TNFSF15: variants seen among roughly 807,000 people sequenced by gnomAD.
TNFSF15 encodes the protein TNF superfamily member 15.
TNFSF15 carries 15 observed loss-of-function variants against 26.4 expected under a neutral mutation model. That is an observed-to-expected ratio of 0.57 (90% CI 0.38 to 0.87). TNFSF15 has a LOEUF of 0.87. Among genes scored for constraint, TNFSF15 ranks in the 40% least tolerant of loss-of-function variants. The pLI, the probability that TNFSF15 is intolerant of heterozygous loss-of-function variation, is 0.00. For missense variants in TNFSF15, 290 were observed against 306.1 expected, an observed-to-expected ratio of 0.95 and a Z score of 0.39; for synonymous variants, 116 against 115.0, an observed-to-expected ratio of 1.01 and a Z score of -0.06.
Position 114,790,400 on chromosome 9 carries a change from A to C in TNFSF15, c.*52T>G. On this transcript the variant is annotated 3_prime_UTR_variant, in exon 4 of 4. Transcript: ENST00000374045. ...GTTATAATTACATTTGAACAAAGAA[A>C]ATTAGGAACTCGGTGGCAGAGGACT... The C allele has an allele frequency of 6.7e-7, 1 of 1,500,056 alleles. No homozygotes were observed. Among genetic ancestry groups the C allele is most frequent in the Non-Finnish European group, 9.0e-7 (1 of 1,116,874 alleles). 92.9% of individuals were successfully genotyped at this position (1,500,056 alleles called of 1,614,324 possible).
rs554137268 is a variant in TNFSF15, at chr9:114,805,835, G to A, written c.178C>T (p.Arg60Trp). ...LTTYLLVSQLRAQGEACVQFQ... is the reference protein window; with the variant it reads ...LTTYLLVSQLWAQGEACVQFQ... The stretch of plus-strand genomic sequence containing the variant: ...TGCACACAGGCCTCTCCCTGGGCCC[G>A]GAGCTGGCTGACAAGCAGGTATGTG... The change falls in exon 1 of 4, where the codon CGG (arginine) becomes TGG (tryptophan). Residue 60 changes from arginine (R) to tryptophan (W), a missense_variant. By Grantham distance (101) the Arg-to-Trp change is moderately radical. Transcript: ENST00000374045. 2.1e-5 allele frequency: 34 copies of A among 1,613,678 alleles called. No homozygotes were observed. The South Asian group carries it at 2.3e-4, about 11-fold the overall frequency.
At chr9:114,792,370 C>T in intron 3 of TNFSF15, 37 bp downstream of exon 3, 3 of 1,603,932 alleles carry the variant, frequency 1.9e-6, no homozygotes, top group Non-Finnish European at 2.6e-6. Context: ...AGGATTCTGG[C>T]CCATGGTCTC....
At position 114,788,351 on chromosome 9, in the gene TNFSF15, T is replaced by C. The variant is rs563581482; in HGVS notation, c.*2101A>G. ...AGCCAGGTGGAGGTGACCACACTCC[T>C]CTGTGCTCCCACTGAGTCTGTGCTG... On this transcript the variant is annotated 3_prime_UTR_variant, in exon 4 of 4. Transcript: ENST00000374045. The C allele has an allele frequency of 3.8e-4, 59 of 153,892 alleles. No individual in the cohort carries two copies. Among genetic ancestry groups the C allele is most frequent in the African/African-American group, 1.3e-3 (56 of 41,584 alleles). The allele number at this position is 153,892 out of a possible 1,614,324, so 9.5% of individuals were successfully genotyped here. A position where few individuals can be genotyped will look rare whatever the true frequency, so the allele number is the denominator to read the frequency against.
chr9:114,792,764 G>T (rs540564096), intron 2 of TNFSF15, among the ~76,000 whole-genome samples: 1 of 152,282 alleles, frequency 6.6e-6, no homozygotes, highest in East Asian at 1.9e-4. Context: ...CAGTATAGAT[G>T]GAGGTGCTTA....
rs1829546285 is a variant in TNFSF15, at chr9:114,788,852, G to C, written c.*1600C>G. ...GAACAGAGCTGCCTCTCCTGCCCTT[G>C]ACATATTAGCGTAGGAAAATCATAC... On this transcript the variant is annotated 3_prime_UTR_variant, in exon 4 of 4. Transcript: ENST00000374045. The C allele has an allele frequency of 1.3e-5, 2 of 152,200 alleles. No individual in the cohort carries two copies. The highest frequency in any genetic ancestry group is 6.5e-5 in the Admixed American group (1 of 15,278). The allele number at this position is 152,200 out of a possible 1,614,324, so 9.4% of individuals were successfully genotyped here. A position where few individuals can be genotyped will look rare whatever the true frequency, so the allele number is the denominator to read the frequency against.
rs753032938 is a variant in TNFSF15, at chr9:114,790,445, T to C, written c.*7A>G. 5 of 1,570,258 alleles carry C rather than the reference T, an allele frequency of 3.2e-6. No homozygotes were observed. The highest frequency in any genetic ancestry group is 4.3e-6 in the Non-Finnish European group (5 of 1,157,874). ...AGGACTTTCATATAATGATATTTGC[T>C]CTCCTCCTATAGTAAGAAGGCTCCA... is the stretch of plus-strand genomic sequence containing the variant. On this transcript the variant is annotated 3_prime_UTR_variant, in exon 4 of 4. Transcript: ENST00000374045.
chr9:114,788,414 C>T lies in TNFSF15; in HGVS notation c.*2038G>A, dbSNP rs1189590158. On this transcript the variant is annotated 3_prime_UTR_variant, in exon 4 of 4. Coordinates refer to ENST00000374045, the MANE Select transcript of TNFSF15 (RefSeq NM_005118.4). ...AAGGGAAGGCAAGAAAAAGGCCTGG[C>T]TTAAGTTAGCCTAGCAGAGGTTAGA... is the stretch of plus-strand genomic sequence containing the variant. 6.5e-6 allele frequency: 1 copy of T among 153,698 alleles called. No individual in the cohort carries two copies. Among genetic ancestry groups the T allele is most frequent in the African/African-American group, 2.4e-5 (1 of 41,456 alleles). 9.5% of individuals were successfully genotyped at this position (153,698 alleles called of 1,614,324 possible).
intron 1 of TNFSF15, among the ~76,000 whole-genome samples, chr9:114,798,839 T>C (rs1449222955): frequency 1.3e-5 from 2 of 152,240 alleles, no homozygotes; most frequent in African/African-American, 4.8e-5. Context: ...ATGATCCACA[T>C]AGCCTTTCCT....
chr9:114,790,212 C>G lies in TNFSF15; in HGVS notation c.*240G>C, dbSNP rs1430896502. Reference sequence around the variant, plus strand: ...TCTTAATATTTAGAAACTCGCCAATCCTCCAACCCATCTTAATAATATATT... The same window carrying G: ...TCTTAATATTTAGAAACTCGCCAATGCTCCAACCCATCTTAATAATATATT... On this transcript the variant is annotated 3_prime_UTR_variant, in exon 4 of 4. Transcript: ENST00000374045. 4.9e-6 allele frequency: 2 copies of G among 409,232 alleles called. No homozygotes were observed. The highest frequency in any genetic ancestry group is 7.9e-5 in the East Asian group (2 of 25,412). 25.4% of individuals were successfully genotyped at this position (409,232 alleles called of 1,614,324 possible).
In TNFSF15 at chr9:114,790,832, C is replaced by A; in HGVS notation, c.376G>T (p.Ala126Ser). The A allele has an allele frequency of 6.2e-7, 1 of 1,614,024 alleles. No homozygotes were observed. Among genetic ancestry groups the A allele is most frequent in the Non-Finnish European group, 8.5e-7 (1 of 1,180,002 alleles). The part of the protein sequence containing the change: ...ALHWEHELGL[A>S]FTKNRMNYTN... The stretch of plus-strand genomic sequence containing the variant: ...TAGTTCATTCGGTTCTTGGTGAAGG[C>A]CAGGCCTAGTTCATGTTCCCAGTGC... The change falls in exon 4 of 4, where the codon GCC becomes TCC. Residue 126 changes from alanine to serine, a missense_variant. Ala to Ser is a moderately conservative substitution (Grantham distance 99, BLOSUM62 1). This residue lies in a region of TNFSF15 where 179 missense variants were observed against 165.9 expected (regional missense o/e 1.08). Coordinates refer to ENST00000374045, the MANE Select transcript of TNFSF15 (RefSeq NM_005118.4).
Position 114,790,896 on chromosome 9 carries a change from T to C in TNFSF15, c.312A>G (p.Gln104=), listed in dbSNP as rs200936418. The C allele has an allele frequency of 1.2e-6, 2 of 1,614,034 alleles. No individual in the cohort carries two copies. The highest frequency in any genetic ancestry group is 1.7e-6 in the Non-Finnish European group (2 of 1,179,944). The change falls in exon 4 of 4, where the codon CAA becomes CAG. Residue 104 remains glutamine, a synonymous_variant. Coordinates refer to ENST00000374045, the MANE Select transcript of TNFSF15 (RefSeq NM_005118.4). ...GATTTTTAAAGTGCTGTGTGGGAGT[T>C]TGTCTCACAACTGGAAAGACAAGAA... The part of the protein sequence containing the change: ...KPRAHLTVVR[Q]TPTQHFKNQF...
Position 114,790,693 on chromosome 9 carries a change from T to G in TNFSF15, c.515A>C (p.Asn172Thr). 6.2e-7 allele frequency: 1 copy of G among 1,613,976 alleles called. No individual in the cohort carries two copies. The highest frequency in any genetic ancestry group is 1.1e-5 in the South Asian group (1 of 91,066). The change falls in exon 4 of 4, where the codon AAC (asparagine) becomes ACC (threonine). Residue 172 changes from asparagine to threonine, a missense_variant. Coordinates refer to ENST00000374045, the MANE Select transcript of TNFSF15 (RefSeq NM_005118.4). Reference sequence around the variant, plus strand: ...GACCACAGTGATGGAGTCTGGCTTGTTTGGTCGGCCTGCTTGTCTGATTTC... The same window carrying G: ...GACCACAGTGATGGAGTCTGGCTTGGTTGGTCGGCCTGCTTGTCTGATTTC... ...CSEIRQAGRPNKPDSITVVIT... is the reference protein window; with the variant it reads ...CSEIRQAGRPTKPDSITVVIT...
rs1425695414 is a variant in TNFSF15 at position 114,788,034 on chromosome 9, C to T, written c.*2418G>A. 1 of 153,694 alleles carries T rather than the reference C, an allele frequency of 6.5e-6. No homozygotes were observed. Among genetic ancestry groups the T allele is most frequent in the Non-Finnish European group, 1.5e-5 (1 of 68,054 alleles). The allele number at this position is 153,694 out of a possible 1,614,324, so 9.5% of individuals were successfully genotyped here. On this transcript the variant is annotated 3_prime_UTR_variant, in exon 4 of 4. Coordinates refer to ENST00000374045, the MANE Select transcript of TNFSF15 (RefSeq NM_005118.4). ...CAAAGCTGCTTGGTGCTCTCACGCA[C>T]CATGAAGACCGGTTCAGAAAGAACA...
chr9:114,796,247 A>G (rs533882283), intron 1 of TNFSF15, among the ~76,000 whole-genome samples: 27 of 152,066 alleles, frequency 1.8e-4, no homozygotes, highest in Non-Finnish European at 2.6e-4. Context: ...TTTGTACTTC[A>G]GTTTTCTCCT....
chr9:114,792,385 A>G (rs1450233489), intron 3 of TNFSF15, 22 bp downstream of exon 3: 3 of 1,612,564 alleles, frequency 1.9e-6, no homozygotes, highest in East Asian at 2.2e-5. Context: ...GGTCTCCCGT[A>G]AAACACAGCA....
At chr9:114,798,844 T>C (rs1829705183) in intron 1 of TNFSF15, among the ~76,000 whole-genome samples, 1 of 152,202 alleles carries the variant, frequency 6.6e-6, no homozygotes. Context: ...CCACATAGCC[T>C]TTCCTCTCAT....
chr9:114,793,749 T>C (rs1829639984), intron 1 of TNFSF15, among the ~76,000 whole-genome samples, 181 bp from the exon 2 acceptor site: 1 of 152,198 alleles, frequency 6.6e-6, no homozygotes, highest in African/African-American at 2.4e-5. Context: ...AGCTCTCCAC[T>C]TTCCTCCCCT....
Position 114,788,867 on chromosome 9 carries a change from G to A in TNFSF15, c.*1585C>T, listed in dbSNP as rs1240832867. 3 of 152,168 alleles carry A rather than the reference G, an allele frequency of 2.0e-5. No homozygotes were observed. Among genetic ancestry groups the A allele is most frequent in the African/African-American group, 4.8e-5 (2 of 41,426 alleles). 9.4% of individuals were successfully genotyped at this position (152,168 alleles called of 1,614,324 possible). A position where few individuals can be genotyped will look rare whatever the true frequency, so the allele number is the denominator to read the frequency against. ...TCCTGCCCTTGACATATTAGCGTAGGAAAATCATACGGACTAGAGGATATG... is the reference window on the plus strand; with the variant it reads ...TCCTGCCCTTGACATATTAGCGTAGAAAAATCATACGGACTAGAGGATATG... On this transcript the variant is annotated 3_prime_UTR_variant, in exon 4 of 4. Coordinates refer to ENST00000374045, the MANE Select transcript of TNFSF15 (RefSeq NM_005118.4).
intron 1 of TNFSF15, among the ~76,000 whole-genome samples, chr9:114,801,675 G>A (rs934936490): frequency 2.0e-5 from 3 of 152,162 alleles, no homozygotes; most frequent in African/African-American, 7.2e-5. Context: ...AGGCCCGAAA[G>A]GGTTAGGTAA....
Sources: gnomAD v4.1 joint callset for allele counts (sites outside exome capture counted in the v4.1 genomes callset) on GRCh38, gnomAD v4.1.1 for gene constraint, gnomAD v4.1.1 regional missense constraint, MANE v1.5 for transcripts, NCBI Gene and HGNC (gene_info 2026-07-23, HGNC 2026-07-21) for gene names.